TMX3: variants seen among roughly 807,000 people sequenced by gnomAD.
TMX3 encodes the protein thioredoxin related transmembrane protein 3.
TMX3 carries 40 observed loss-of-function variants against 64.4 expected under a neutral mutation model. The ratio of observed to expected loss-of-function variants is 0.62; its 90% CI spans 0.48 to 0.81. The LOEUF is 0.81. Ranked by LOEUF, TMX3 falls within the 30% of genes least tolerant of loss-of-function variation. The pLI is 0.00. For missense variants in TMX3, 497 were observed against 534.5 expected (o/e 0.93, Z 0.69); for synonymous variants, 189 against 175.7 (o/e 1.08, Z -0.60).
chr18:68,706,350 G>GCA (rs1383866428), intron 4 of TMX3: 3 of 152,262 alleles, frequency 2.0e-5, no homozygotes, highest in African/African-American at 7.2e-5. Context: ...GGCGGAAGTT[G>GCA]CAGTGAGCCA....
rs982987006 is a variant in TMX3, at chr18:68,675,273, T to C, written c.*1660A>G. ...TTGTTAAATTAACAGCATTTATCTC[T>C]GGTTTCCACTTAATATCATTTCACT... On this transcript the variant is annotated 3_prime_UTR_variant, in exon 16 of 16. Transcript: ENST00000299608. The C allele has an allele frequency of 4.6e-5, 7 of 152,164 alleles. No individual in the cohort carries two copies. Among genetic ancestry groups the C allele is most frequent in the African/African-American group, 1.4e-4 (6 of 41,470 alleles). The allele number at this position is 152,164 out of a possible 1,614,324, so 9.4% of individuals were successfully genotyped here. A position where few individuals can be genotyped will look rare whatever the true frequency, so the allele number is the denominator to read the frequency against.
At chr18:68,700,733 T>A (rs1357060201) in intron 5 of TMX3, 1 of 984,058 alleles carries the variant, frequency 1.0e-6, no homozygotes. Flanking sequence ...GATAACTGCA[T>A]TGTATCTACG....
At chr18:68,699,263 T>A (rs1915438439) in intron 6 of TMX3, among the ~76,000 whole-genome samples, 1 of 152,140 alleles carries the variant, frequency 6.6e-6, no homozygotes, top group Non-Finnish European at 1.5e-5. Flanking sequence ...TCTACAATAG[T>A]CATCTCCAAT....
At chr18:68,696,235 G>A (rs1217229200) in intron 8 of TMX3, among the ~76,000 whole-genome samples, 7 of 152,062 alleles carry the variant, frequency 4.6e-5, no homozygotes, top group East Asian at 1.9e-4. Context: ...GTACAGTGGC[G>A]CCATCTTGGT....
At position 68,676,800 on chromosome 18, in the gene TMX3, T is replaced by G. The variant is rs1912960955; in HGVS notation, c.*133A>C. The G allele has an allele frequency of 4.4e-6, 5 of 1,127,992 alleles. No individual in the cohort carries two copies. The highest frequency in any genetic ancestry group is 6.1e-6 in the Non-Finnish European group (5 of 815,200). The allele number at this position is 1,127,992 out of a possible 1,614,324, so 69.9% of individuals were successfully genotyped here. A position where few individuals can be genotyped will look rare whatever the true frequency, so the allele number is the denominator to read the frequency against. On this transcript the variant is annotated 3_prime_UTR_variant, in exon 16 of 16. Coordinates refer to ENST00000299608, the MANE Select transcript of TMX3 (RefSeq NM_019022.5). The stretch of plus-strand genomic sequence containing the variant: ...CCCATGTATGGAGGGACTACTTTAA[T>G]CCATGCAGTTGATATTAGCAAAATA...
intron 4 of TMX3, among the ~76,000 whole-genome samples, chr18:68,704,513 T>A (rs1403593551): frequency 2.0e-5 from 3 of 152,054 alleles, no homozygotes; most frequent in Admixed American, 1.3e-4. Context: ...TAATTCAGAT[T>A]AAGAAACTAA....
chr18:68,681,781 T>A (rs1201619589), intron 13 of TMX3, among the ~76,000 whole-genome samples: 1 of 152,196 alleles, frequency 6.6e-6, no homozygotes, highest in Non-Finnish European at 1.5e-5. Flanking sequence ...CATCATGTTG[T>A]TGAGCTTCCA....
chr18:68,699,034 AC>A (rs199778500), intron 6 of TMX3, among the ~76,000 whole-genome samples: 7 of 151,580 alleles, frequency 4.6e-5, no homozygotes, highest in East Asian at 1.9e-4. Flanking sequence ...AAAAAAAAAA[AC>A]CAAAAACTAA....
chr18:68,696,475 A>G (rs574633629), intron 8 of TMX3, among the ~76,000 whole-genome samples: 2 of 150,492 alleles, frequency 1.3e-5, no homozygotes, highest in South Asian at 4.2e-4. Flanking sequence ...CCCGGCCTTA[A>G]TTATTATTAC....
In TMX3 at chr18:68,691,283, T is replaced by C; in HGVS notation, c.637+12A>G. On this transcript the variant is annotated intron_variant, in intron 9 of 15. Transcript: ENST00000299608. ...TAAAATGTTTTACATGAGTTAAAGA[T>C]TTGGAACTTACCATCATAAACAAAG... 1.3e-6 allele frequency: 2 copies of C among 1,563,694 alleles called. No individual in the cohort carries two copies. Among genetic ancestry groups the C allele is most frequent in the Non-Finnish European group, 8.7e-7 (1 of 1,147,858 alleles).
rs567937419 is a variant in TMX3 at position 68,711,466 on chromosome 18, T to A, written c.102-63A>T. On this transcript the variant is annotated intron_variant, in intron 2 of 15. Transcript: ENST00000299608. ...GTGTCCACTTTACAACTGTATAGTA[T>A]AGGCAGAGATAATACATTGATAAAT... 2.7e-6 allele frequency: 3 copies of A among 1,125,354 alleles called. No individual in the cohort carries two copies. In the African/African-American group the frequency reaches 4.7e-5, roughly 18 times the overall value. 69.7% of individuals were successfully genotyped at this position (1,125,354 alleles called of 1,614,324 possible). A position where few individuals can be genotyped will look rare whatever the true frequency, so the allele number is the denominator to read the frequency against.
At position 68,714,992 on chromosome 18, in the gene TMX3, G is replaced by C; in HGVS notation, c.-11C>G. On this transcript the variant is annotated 5_prime_UTR_variant, in exon 1 of 16. Coordinates refer to ENST00000299608, the MANE Select transcript of TMX3 (RefSeq NM_019022.5). ...CTTCCACGCTGCCATGCTAGCCCGGGAGAGCTGCAGAAGCTGACTGTGCAA... is the reference window on the plus strand; with the variant it reads ...CTTCCACGCTGCCATGCTAGCCCGGCAGAGCTGCAGAAGCTGACTGTGCAA... The C allele has an allele frequency of 6.4e-7, 1 of 1,566,958 alleles. No individual in the cohort carries two copies.
intron 10 of TMX3, 49 bp downstream of exon 10, chr18:68,687,618 C>A: frequency 7.1e-6 from 11 of 1,544,688 alleles, no homozygotes; most frequent in East Asian, 4.7e-5. Context: ...TTTAAATAAT[C>A]AAAGAAAAAT....
intron 10 of TMX3, chr18:68,687,146 C>A (rs1158299425): frequency 1.0e-6 from 1 of 984,588 alleles, no homozygotes; most frequent in African/African-American, 1.7e-5. Context: ...CTAAAACTTA[C>A]AGTTAGCTTC....
At chr18:68,685,817 G>C (rs186472311) in intron 10 of TMX3, among the ~76,000 whole-genome samples, 144 of 152,296 alleles carry the variant, frequency 9.5e-4, no homozygotes, top group Non-Finnish European at 1.7e-3. Context: ...GTAGTCTGAC[G>C]AGGTCAGTGA....
intron 10 of TMX3, among the ~76,000 whole-genome samples, chr18:68,685,268 T>G (rs1407404636): frequency 6.6e-6 from 1 of 152,150 alleles, no homozygotes; most frequent in Non-Finnish European, 1.5e-5. Flanking sequence ...TGCCCAGAAA[T>G]ATGGGCATAA....
intron 2 of TMX3, among the ~76,000 whole-genome samples, chr18:68,713,598 A>C (rs2031532696): frequency 6.6e-6 from 1 of 152,218 alleles, no homozygotes; most frequent in South Asian, 2.1e-4. Flanking sequence ...TTAAAGGAAA[A>C]AGACATAAAT....
chr18:68,714,994 G>T lies in TMX3; in HGVS notation c.-13C>A. On this transcript the variant is annotated 5_prime_UTR_variant, in exon 1 of 16. Coordinates refer to ENST00000299608, the MANE Select transcript of TMX3 (RefSeq NM_019022.5). ...TCCACGCTGCCATGCTAGCCCGGGA[G>T]AGCTGCAGAAGCTGACTGTGCAAAA... is the stretch of plus-strand genomic sequence containing the variant. 1 of 1,567,088 alleles carries T rather than the reference G, an allele frequency of 6.4e-7. No homozygotes were observed. Among genetic ancestry groups the T allele is most frequent in the Non-Finnish European group, 8.6e-7 (1 of 1,156,502 alleles).
intron 3 of TMX3, 106 bp downstream of exon 3, chr18:68,711,258 T>C: frequency 1.5e-6 from 1 of 662,296 alleles, no homozygotes; most frequent in Non-Finnish European, 2.5e-6. Context: ...ATTGAGTATA[T>C]ACATAAGCAC....
Sources: gnomAD v4.1 joint callset for allele counts (sites outside exome capture counted in the v4.1 genomes callset) on GRCh38, gnomAD v4.1.1 for gene constraint, MANE v1.5 for transcripts, NCBI Gene and HGNC (gene_info 2026-07-23, HGNC 2026-07-21) for gene names.